MAPK14: variants seen among roughly 807,000 people sequenced by gnomAD.
The protein encoded by MAPK14 is mitogen-activated protein kinase 14.
Under a neutral mutation model 49.6 loss-of-function variants are expected in MAPK14, and 16 were observed. That is an observed-to-expected ratio of 0.32 (90% CI 0.22 to 0.49). The LOEUF (loss-of-function observed/expected upper bound fraction) is 0.49, where lower values mean the gene tolerates loss of function less well. Among genes scored for constraint, MAPK14 ranks in the 20% least tolerant of loss-of-function variants. MAPK14 has a pLI of 0.99. For missense variants in MAPK14, 200 were observed against 441.2 expected (o/e 0.45, Z 4.90); for synonymous variants, 142 against 158.0 (o/e 0.90, Z 0.76).
chr6:36,112,328 C>G (rs1479263673), downstream of MAPK14, among the ~76,000 whole-genome samples: 3 of 152,164 alleles, frequency 2.0e-5, no homozygotes, highest in African/African-American at 7.2e-5. Flanking sequence ...CCAAAGAGAG[C>G]TGACACCACA....
chr6:36,070,216 T>G (rs964498897), intron 3 of MAPK14, among the ~76,000 whole-genome samples: 1 of 152,112 alleles, frequency 6.6e-6, no homozygotes, highest in African/African-American at 2.4e-5. Flanking sequence ...GTTTAAAGAG[T>G]TTTAAAAAGG....
chr6:36,033,631 T>TA lies in MAPK14; in HGVS notation c.116+5362dup, dbSNP rs972554246. Among the ~76,000 whole-genome samples the TA allele has an allele frequency of 1.6e-4, 25 of 152,196 alleles. 1 individual carries two copies. Among genetic ancestry groups the TA allele is most frequent in the Non-Finnish European group, 1.6e-4 (11 of 68,026 alleles). The stretch of plus-strand genomic sequence containing the variant: ...CACCCAGCCTCCACTGGTTCTTCTT[T>TA]AAAATAAGCTTATCCTGGATCTCCA... On this transcript the variant is annotated intron_variant, in intron 1 of 11. Coordinates refer to ENST00000229794, the MANE Select transcript of MAPK14 (RefSeq NM_139012.3).
chr6:36,076,800 G>C (rs1764548416), intron 8 of MAPK14, 192 bp downstream of exon 8: 2 of 442,118 alleles, frequency 4.5e-6, no homozygotes, highest in African/African-American at 4.1e-5. Context: ...TTACTTTTGT[G>C]AGTTGGAAAA....
At chr6:36,030,986 T>C (rs1762519182) in intron 1 of MAPK14, among the ~76,000 whole-genome samples, 1 of 152,226 alleles carries the variant, frequency 6.6e-6, no homozygotes, top group South Asian at 2.1e-4. Flanking sequence ...TTAAGTGTTA[T>C]CTTATTCAGA....
chr6:36,039,140 C>T (rs1291694867), intron 1 of MAPK14, among the ~76,000 whole-genome samples: 1 of 152,064 alleles, frequency 6.6e-6, no homozygotes, highest in Admixed American at 6.6e-5. Flanking sequence ...GACATGTGAT[C>T]CTATAAAAAC....
At chr6:36,082,306 G>T (rs963877814) in intron 8 of MAPK14, among the ~76,000 whole-genome samples, 3 of 152,198 alleles carry the variant, frequency 2.0e-5, no homozygotes, top group Non-Finnish European at 2.9e-5. Flanking sequence ...TCTTGTTCCT[G>T]TCTTAGGGGG....
chr6:36,031,811 G>A (rs940193470), intron 1 of MAPK14, among the ~76,000 whole-genome samples: 1 of 152,120 alleles, frequency 6.6e-6, no homozygotes, highest in African/African-American at 2.4e-5. Context: ...GAAAGATAAG[G>A]CAATCAGGTT....
chr6:36,120,357 C>G, the MAPK14 span, among the ~76,000 whole-genome samples: 1 of 152,078 alleles, frequency 6.6e-6, no homozygotes, highest in African/African-American at 2.4e-5. Context: ...CAGCGTTCTG[C>G]CTTGACAAGG....
chr6:36,037,294 G>A (rs1037614364), intron 1 of MAPK14, among the ~76,000 whole-genome samples: 5 of 152,146 alleles, frequency 3.3e-5, no homozygotes, highest in African/African-American at 1.2e-4. Context: ...TTCCCGTGCA[G>A]TGTTCAAGTC....
intron 8 of MAPK14, among the ~76,000 whole-genome samples, chr6:36,095,277 T>A (rs1050167511): frequency 1.3e-5 from 2 of 152,216 alleles, no homozygotes; most frequent in Non-Finnish European, 2.9e-5. Context: ...CATTGTTCAT[T>A]TGCATTTTAT....
At chr6:36,088,102 C>T (rs1765062038) in intron 8 of MAPK14, among the ~76,000 whole-genome samples, 1 of 152,158 alleles carries the variant, frequency 6.6e-6, no homozygotes, top group South Asian at 2.1e-4. Context: ...GGACCCCTTC[C>T]TTACACCTTA....
intron 1 of MAPK14, chr6:36,029,232 G>A (rs1000211771): frequency 6.6e-6 from 1 of 152,124 alleles, no homozygotes; most frequent in Non-Finnish European, 1.5e-5. Flanking sequence ...AGCTTGCAGG[G>A]AGTTATCTAG....
At chr6:36,103,430 C>T (rs190045083) in intron 10 of MAPK14, among the ~76,000 whole-genome samples, 78 of 152,082 alleles carry the variant, frequency 5.1e-4, no homozygotes, top group African/African-American at 1.5e-3. Context: ...AGCTTGAACT[C>T]CTGGGCTCCA....
chr6:36,055,991 G>A lies in MAPK14; in HGVS notation c.246+3163G>A, dbSNP rs192290405. Among the ~76,000 whole-genome samples, 44 of 151,948 alleles carry A rather than the reference G, an allele frequency of 2.9e-4. No individual in the cohort carries two copies. In the East Asian group the frequency reaches 6.2e-3, roughly 21 times the overall value. ...TTTTAATCTCAAAATTGTTATTTTCGGTGTGCTTATGTTAAACACATTAAA... is the reference window on the plus strand; with the variant it reads ...TTTTAATCTCAAAATTGTTATTTTCAGTGTGCTTATGTTAAACACATTAAA... On this transcript the variant is annotated intron_variant, in intron 2 of 11. Transcript: ENST00000229794.
Position 36,052,928 on chromosome 6 carries a change from C to G in MAPK14, c.246+100C>G, listed in dbSNP as rs542576667. ...TGGAAATACGCTGGAGTGCATCAAA[C>G]GTTGGTCCCTGCTCCTTGTCCTGGG... On this transcript the variant is annotated intron_variant, in intron 2 of 11. Coordinates refer to ENST00000229794, the MANE Select transcript of MAPK14 (RefSeq NM_139012.3). 26 of 1,041,252 alleles carry G rather than the reference C, an allele frequency of 2.5e-5. No individual in the cohort carries two copies. The East Asian group carries it at 5.5e-4, about 22-fold the overall frequency. 64.5% of individuals were successfully genotyped at this position (1,041,252 alleles called of 1,614,324 possible). A position where few individuals can be genotyped will look rare whatever the true frequency, so the allele number is the denominator to read the frequency against.
chr6:36,042,619 A>G (rs1763008440), intron 1 of MAPK14, among the ~76,000 whole-genome samples: 1 of 151,140 alleles, frequency 6.6e-6, no homozygotes, highest in Non-Finnish European at 1.5e-5. Context: ...AGCCACCCAA[A>G]GTAGCTGAGA....
rs1765869465 is a variant in MAPK14 at position 36,108,538 on chromosome 6, T to C, written c.*91T>C. On this transcript the variant is annotated 3_prime_UTR_variant, in exon 12 of 12. Transcript: ENST00000229794. ...CCAAATATTATTCAAGTGCCTCTTG[T>C]TGCAGAGATTTCCTCCATGGTGGAA... 1 of 1,040,008 alleles carries C rather than the reference T, an allele frequency of 9.6e-7. No homozygotes were observed. Among genetic ancestry groups the C allele is most frequent in the African/African-American group, 1.6e-5 (1 of 63,812 alleles). 64.4% of individuals were successfully genotyped at this position (1,040,008 alleles called of 1,614,324 possible). A position where few individuals can be genotyped will look rare whatever the true frequency, so the allele number is the denominator to read the frequency against.
chr6:36,095,335 A>G (rs1428984345), intron 8 of MAPK14, among the ~76,000 whole-genome samples: 4 of 152,170 alleles, frequency 2.6e-5, no homozygotes, highest in Admixed American at 2.0e-4. Flanking sequence ...TCCTAAAGGA[A>G]CATGCGATGG....
intron 3 of MAPK14, among the ~76,000 whole-genome samples, chr6:36,068,756 T>C (rs1764159069): frequency 6.6e-6 from 1 of 152,086 alleles, no homozygotes; most frequent in African/African-American, 2.4e-5. Context: ...GTGCTGGTCT[T>C]AACAATTGGG....
Sources: allele counts gnomAD v4.1 joint callset (sites outside exome capture counted in the v4.1 genomes callset), GRCh38; gene constraint gnomAD v4.1.1; transcripts MANE v1.5; gene names NCBI Gene and HGNC (gene_info 2026-07-23, HGNC 2026-07-21).